Variants in TRIM56 observed in about 807,000 individuals in gnomAD.
The protein encoded by TRIM56 is tripartite motif containing 56.
In TRIM56, 10 loss-of-function variants were observed where a neutral mutation model predicts 17.1. That is an observed-to-expected ratio of 0.58 (90% confidence interval 0.36 to 0.99). The LOEUF is 0.99. Among genes scored for constraint, TRIM56 ranks in the 50% least tolerant of loss-of-function variants. The probability of loss-of-function intolerance (pLI) is 0.01; values close to 1 mark genes in which losing one functional copy is unlikely to be tolerated. For synonymous variants in TRIM56, 503 were observed against 473.5 expected (o/e 1.06, Z -0.81); for missense variants, 923 against 1,052.3 (o/e 0.88, Z 1.70).
In TRIM56 at chr7:101,096,473, A is replaced by G. The variant is rs1795655302; in HGVS notation, c.*6893A>G. The G allele has an allele frequency of 6.6e-6, 1 of 152,220 alleles. No individual in the cohort carries two copies. Among genetic ancestry groups the G allele is most frequent in the Non-Finnish European group, 1.5e-5 (1 of 68,046 alleles). The allele number at this position is 152,220 out of a possible 1,614,324, so 9.4% of individuals were successfully genotyped here. The stretch of plus-strand genomic sequence containing the variant: ...CTGGGTTGAGTGTTGGCTCTGCACT[A>G]AACAGCTGTGTGATCTTGGTCTAGT... On this transcript the variant is annotated 3_prime_UTR_variant, in exon 3 of 3. Transcript: ENST00000306085.
At position 101,088,368 on chromosome 7, in the gene TRIM56, G is replaced by A. The variant is rs1410202789; in HGVS notation, c.1056G>A (p.Leu352=). 3 of 1,561,810 alleles carry A rather than the reference G, an allele frequency of 1.9e-6. No individual in the cohort carries two copies. In the Admixed American group the frequency reaches 5.8e-5, roughly 30 times the overall value. ...CGGCCCCCTGCCTGCTCCCACAGCT[G>A]GAGCTCCATCCTGGGCTCCTGGACA... ...PGPAPCLLPQ[L]ELHPGLLDKN... The change falls in exon 3 of 3, where the codon CTG becomes CTA. Residue 352 remains leucine (L), a synonymous_variant. Coordinates refer to ENST00000306085, the MANE Select transcript of TRIM56 (RefSeq NM_030961.3).
chr7:101,090,701 TAAATAAA>T lies in TRIM56; in HGVS notation c.*1122_*1128del, dbSNP rs1795548855. 2 of 96,180 alleles carry T rather than the reference TAAATAAA, an allele frequency of 2.1e-5. No homozygotes were observed. Among genetic ancestry groups the T allele is most frequent in the Non-Finnish European group, 4.0e-5 (2 of 50,212 alleles). The allele number at this position is 96,180 out of a possible 1,614,324, so 6.0% of individuals were successfully genotyped here. ...TCAAGTGTTAAAATAAATAAATAAA[TAAATAAA>T]TAAATAAATAAATAAATACCAAGTT... On this transcript the variant is annotated 3_prime_UTR_variant, in exon 3 of 3. Transcript: ENST00000306085.
rs753021946 is a variant in TRIM56, at chr7:101,088,983, C to A, written c.1671C>A (p.Ala557=). Residue 557 remains alanine (A), a synonymous_variant, in exon 3 of 3, where the codon GCC becomes GCA. Transcript: ENST00000306085. The part of the protein sequence containing the change: ...PEGCSPCSVA[A]LQSAVAFSAS... ...GCTGCTCCCCTTGCAGCGTGGCCGC[C>A]CTGCAGAGCGCGGTGGCCTTCTCCG... The A allele has an allele frequency of 6.2e-7, 1 of 1,611,162 alleles. No homozygotes were observed. The highest frequency in any genetic ancestry group is 8.5e-7 in the Non-Finnish European group (1 of 1,179,960).
rs758499105 is a variant in TRIM56, at chr7:101,088,995, G to A, written c.1683G>A (p.Ala561=). 1.3e-5 allele frequency: 21 copies of A among 1,609,600 alleles called. No individual in the cohort carries two copies. The highest frequency in any genetic ancestry group is 8.9e-5 in the East Asian group (4 of 44,886). Residue 561 remains alanine (A), a synonymous_variant, in exon 3 of 3, where the codon GCG becomes GCA. Transcript: ENST00000306085. ...SPCSVAALQS[A]VAFSASARLY... The stretch of plus-strand genomic sequence containing the variant: ...GCAGCGTGGCCGCCCTGCAGAGCGC[G>A]GTGGCCTTCTCCGCTAGCGCACGGC...
In TRIM56 at chr7:101,093,548, G is replaced by T. The variant is rs1795613563; in HGVS notation, c.*3968G>T. 1 of 151,080 alleles carries T rather than the reference G, an allele frequency of 6.6e-6. No homozygotes were observed. Among genetic ancestry groups the T allele is most frequent in the African/African-American group, 2.4e-5 (1 of 41,294 alleles). 9.4% of individuals were successfully genotyped at this position (151,080 alleles called of 1,614,324 possible). On this transcript the variant is annotated 3_prime_UTR_variant, in exon 3 of 3. Transcript: ENST00000306085. Reference sequence around the variant, plus strand: ...AATAATTAAAAAAAAAAAAAAGAAAGGCTGGACGCGGTGGCTCACACCTGT... The same window carrying T: ...AATAATTAAAAAAAAAAAAAAGAAATGCTGGACGCGGTGGCTCACACCTGT...
chr7:101,091,721 C>T lies in TRIM56; in HGVS notation c.*2141C>T, dbSNP rs1429040488. The T allele has an allele frequency of 2.2e-6, 1 of 448,376 alleles. No homozygotes were observed. Among genetic ancestry groups the T allele is most frequent in the Non-Finnish European group, 4.4e-6 (1 of 225,682 alleles). 27.8% of individuals were successfully genotyped at this position (448,376 alleles called of 1,614,324 possible). A position where few individuals can be genotyped will look rare whatever the true frequency, so the allele number is the denominator to read the frequency against. ...CAGCCTGGGTAACAAGAATGAAACTCCATCTCAAAAAAAAAGAAAAAGAAA... is the reference window on the plus strand; with the variant it reads ...CAGCCTGGGTAACAAGAATGAAACTTCATCTCAAAAAAAAAGAAAAAGAAA... On this transcript the variant is annotated 3_prime_UTR_variant, in exon 3 of 3. Coordinates refer to ENST00000306085, the MANE Select transcript of TRIM56 (RefSeq NM_030961.3).
Position 101,089,390 on chromosome 7 carries a change from T to A in TRIM56, c.2078T>A (p.Phe693Tyr). ...TCTGTGGATAAGAAGGGCTACATCT[T>A]TCTGACCCTTCGAGAAGTCAACAAG... The part of the protein sequence containing the change: ...SVSVDKKGYI[F>Y]LTLREVNKVV... Residue 693 changes from phenylalanine (F) to tyrosine (Y), a missense_variant, in exon 3 of 3, where the codon TTT becomes TAT. By Grantham distance (22) the Phe-to-Tyr change is conservative. Coordinates refer to ENST00000306085, the MANE Select transcript of TRIM56 (RefSeq NM_030961.3). 6.2e-7 allele frequency: 1 copy of A among 1,614,004 alleles called. No individual in the cohort carries two copies. Among genetic ancestry groups the A allele is most frequent in the Non-Finnish European group, 8.5e-7 (1 of 1,179,878 alleles).
rs1025714084 is a variant in TRIM56, at chr7:101,093,989, A to G, written c.*4409A>G. On this transcript the variant is annotated 3_prime_UTR_variant, in exon 3 of 3. Coordinates refer to ENST00000306085, the MANE Select transcript of TRIM56 (RefSeq NM_030961.3). The stretch of plus-strand genomic sequence containing the variant: ...CTTTGCAAGAATGACAAAAATGATT[A>G]TAAGAATCAGTTGTCTCACTTTGGG... 1.3e-5 allele frequency: 2 copies of G among 152,220 alleles called. No individual in the cohort carries two copies. The highest frequency in any genetic ancestry group is 1.3e-4 in the Admixed American group (2 of 15,286). 9.4% of individuals were successfully genotyped at this position (152,220 alleles called of 1,614,324 possible).
Position 101,088,831 on chromosome 7 carries a change from TC to T in TRIM56, c.1525del (p.Arg509GlyfsTer23). On this transcript the variant is annotated frameshift_variant, in exon 3 of 3. Transcript: ENST00000306085. LOFTEE classifies it high-confidence loss of function. The part of the protein sequence containing the change: ...FPTRMPGDKR[S>X]PRITGLCPFG... ...CACGCGGATGCCTGGAGACAAGCGG[TC>T]CCCCCGGATCACCGGGCTCTGTCCC... 1 of 1,613,556 alleles carries T rather than the reference TC, an allele frequency of 6.2e-7. No individual in the cohort carries two copies. The highest frequency in any genetic ancestry group is 1.1e-5 in the South Asian group (1 of 91,062).
Position 101,089,207 on chromosome 7 carries a change from G to A in TRIM56, c.1895G>A (p.Arg632Gln), listed in dbSNP as rs558086807. The A allele has an allele frequency of 1.5e-5, 25 of 1,613,642 alleles. No individual in the cohort carries two copies. The highest frequency in any genetic ancestry group is 1.9e-5 in the Non-Finnish European group (22 of 1,179,774). The change falls in exon 3 of 3, where the codon CGG becomes CAG. Residue 632 changes from arginine to glutamine, a missense_variant. By Grantham distance (43) the Arg-to-Gln change is conservative. Around this residue, in one of 3 missense-constraint regions of TRIM56, gnomAD observed 182 missense variants for 243.1 expected, o/e 0.75. Coordinates refer to ENST00000306085, the MANE Select transcript of TRIM56 (RefSeq NM_030961.3). The stretch of plus-strand genomic sequence containing the variant: ...TTCATTCCTGGAGGCAAGGCCAGCC[G>A]GGGCCTGCGGGCGCTGGTGTTTCTG... ...TRFIPGGKASRGLRALVFLTT... is the reference protein window; with the variant it reads ...TRFIPGGKASQGLRALVFLTT...
chr7:101,087,553 G>C lies in TRIM56; in HGVS notation c.241G>C (p.Gly81Arg). 2 of 1,613,142 alleles carry C rather than the reference G, an allele frequency of 1.2e-6. No homozygotes were observed. Among genetic ancestry groups the C allele is most frequent in the Non-Finnish European group, 1.7e-6 (2 of 1,179,582 alleles). ...CTTCAAGACCAACTTCTTCGTCAAT[G>C]GGCTGCTGGACCTGGTGAAGGCCCG... ...ASFKTNFFVN[G>R]LLDLVKARAC... Residue 81 changes from glycine (G) to arginine (R), a missense_variant, in exon 3 of 3, where the codon GGG becomes CGG. Physicochemically the swap from Gly to Arg is moderately radical, Grantham distance 125. Around this residue, in one of 3 missense-constraint regions of TRIM56, gnomAD observed 98 missense variants for 143.6 expected, o/e 0.68. Transcript: ENST00000306085.
Position 101,091,026 on chromosome 7 carries a change from C to T in TRIM56, c.*1446C>T, listed in dbSNP as rs1795555324. Reference sequence around the variant, plus strand: ...TGGAACTTGGAGGTGCCAAGAAAACCTAGAAGGTGCAATGGGGCTGCGACG... The same window carrying T: ...TGGAACTTGGAGGTGCCAAGAAAACTTAGAAGGTGCAATGGGGCTGCGACG... On this transcript the variant is annotated 3_prime_UTR_variant, in exon 3 of 3. Transcript: ENST00000306085. 6.6e-6 allele frequency: 1 copy of T among 152,216 alleles called. No homozygotes were observed. The highest frequency in any genetic ancestry group is 1.5e-5 in the Non-Finnish European group (1 of 68,056). The allele number at this position is 152,216 out of a possible 1,614,324, so 9.4% of individuals were successfully genotyped here.
In TRIM56 at chr7:101,089,555, T is replaced by C; in HGVS notation, c.2243T>C (p.Phe748Ser). ...VSLSNGTIHIFRVRSPDS is the reference protein window; with the variant it reads ...VSLSNGTIHISRVRSPDS ...CTCAGTAACGGGACCATCCACATCTTTCGGGTCCGTTCTCCGGACAGTTAA... is the reference window on the plus strand; with the variant it reads ...CTCAGTAACGGGACCATCCACATCTCTCGGGTCCGTTCTCCGGACAGTTAA... The change falls in exon 3 of 3, where the codon TTT becomes TCT. Residue 748 changes from phenylalanine (F) to serine (S), a missense_variant. Transcript: ENST00000306085. The C allele has an allele frequency of 6.2e-7, 1 of 1,613,988 alleles. No homozygotes were observed.
At position 101,097,650 on chromosome 7, in the gene TRIM56, G is replaced by A. The variant is rs2116549557; in HGVS notation, c.*8070G>A. On this transcript the variant is annotated 3_prime_UTR_variant, in exon 3 of 3. Transcript: ENST00000306085. ...GAGGGCCTGTGTATAAAGACATTAG[G>A]AAGGAGGTTTGGGAGGGCAGCCTGA... 1.7e-5 allele frequency: 1 copy of A among 59,464 alleles called. No homozygotes were observed. Among genetic ancestry groups the A allele is most frequent in the Middle Eastern group, 7.0e-3 (1 of 142 alleles). 3.7% of individuals were successfully genotyped at this position (59,464 alleles called of 1,614,324 possible).
At chr7:101,086,298 C>A (rs188819546) in intron 1 of TRIM56, among the ~76,000 whole-genome samples, 273 of 150,744 alleles carry the variant, frequency 1.8e-3, no homozygotes, top group African/African-American at 6.2e-3. Flanking sequence ...TGGTGGCTCA[C>A]GCCTATAATC....
At position 101,088,218 on chromosome 7, in the gene TRIM56, C is replaced by G. The variant is rs61729467; in HGVS notation, c.906C>G (p.Ala302=). ...LAELEGREQV[A]RAAAAFARRV... ...AGCTTGAGGGCCGGGAGCAGGTGGCCAGGGCCGCAGCCGCCTTCGCCCGCC... is the reference window on the plus strand; with the variant it reads ...AGCTTGAGGGCCGGGAGCAGGTGGCGAGGGCCGCAGCCGCCTTCGCCCGCC... The change falls in exon 3 of 3, where the codon GCC becomes GCG. Residue 302 remains alanine, a synonymous_variant. Transcript: ENST00000306085. The G allele has an allele frequency of 4.8e-6, 7 of 1,464,212 alleles. No homozygotes were observed. Among genetic ancestry groups the G allele is most frequent in the Non-Finnish European group, 6.3e-6 (7 of 1,113,512 alleles). 90.7% of individuals were successfully genotyped at this position (1,464,212 alleles called of 1,614,324 possible).
rs1005082146 is a variant in TRIM56, at chr7:101,096,731, G to A, written c.*7151G>A. 1 of 152,228 alleles carries A rather than the reference G, an allele frequency of 6.6e-6. No individual in the cohort carries two copies. The highest frequency in any genetic ancestry group is 1.5e-5 in the Non-Finnish European group (1 of 68,044). 9.4% of individuals were successfully genotyped at this position (152,228 alleles called of 1,614,324 possible). A position where few individuals can be genotyped will look rare whatever the true frequency, so the allele number is the denominator to read the frequency against. ...TATGAGGATGTTAGGTACATGTGTT[G>A]TGAGTGAAAGCTCTGGAACACCCGA... On this transcript the variant is annotated 3_prime_UTR_variant, in exon 3 of 3. Coordinates refer to ENST00000306085, the MANE Select transcript of TRIM56 (RefSeq NM_030961.3).
In TRIM56 at chr7:101,091,298, G is replaced by A. The variant is rs1471102889; in HGVS notation, c.*1718G>A. 1 of 160,644 alleles carries A rather than the reference G, an allele frequency of 6.2e-6. No individual in the cohort carries two copies. The highest frequency in any genetic ancestry group is 1.4e-5 in the Non-Finnish European group (1 of 73,104). The allele number at this position is 160,644 out of a possible 1,614,324, so 10.0% of individuals were successfully genotyped here. A position where few individuals can be genotyped will look rare whatever the true frequency, so the allele number is the denominator to read the frequency against. On this transcript the variant is annotated 3_prime_UTR_variant, in exon 3 of 3. Coordinates refer to ENST00000306085, the MANE Select transcript of TRIM56 (RefSeq NM_030961.3). ...GGAATGTGCAGGGCATAGGTAGAGGGAAAAGAAAATCCCTTTCTGGGAAAA... is the reference window on the plus strand; with the variant it reads ...GGAATGTGCAGGGCATAGGTAGAGGAAAAAGAAAATCCCTTTCTGGGAAAA...
Position 101,088,893 on chromosome 7 carries a change from G to C in TRIM56, c.1581G>C (p.Gln527His). Reference sequence around the variant, plus strand: ...GGGAGATCCTGGTGGCGGATGAGCAGAACCGGGCACTGAAACGCTTCTCCC... The same window carrying C: ...GGGAGATCCTGGTGGCGGATGAGCACAACCGGGCACTGAAACGCTTCTCCC... ...GPREILVADEQNRALKRFSLN... is the reference protein window; with the variant it reads ...GPREILVADEHNRALKRFSLN... The change falls in exon 3 of 3, where the codon CAG becomes CAC. Residue 527 changes from glutamine to histidine, a missense_variant. Gln to His is a conservative substitution (Grantham distance 24). Around this residue, in one of 3 missense-constraint regions of TRIM56, gnomAD observed 643 missense variants for 665.6 expected, o/e 0.97. Coordinates refer to ENST00000306085, the MANE Select transcript of TRIM56 (RefSeq NM_030961.3). 6.2e-7 allele frequency: 1 copy of C among 1,613,892 alleles called. No individual in the cohort carries two copies. The highest frequency in any genetic ancestry group is 8.5e-7 in the Non-Finnish European group (1 of 1,180,034).
Sources: gnomAD v4.1 joint callset for allele counts (sites outside exome capture counted in the v4.1 genomes callset) on GRCh38, gnomAD v4.1.1 for gene constraint, gnomAD v4.1.1 regional missense constraint, MANE v1.5 for transcripts, NCBI Gene and HGNC (gene_info 2026-07-23, HGNC 2026-07-21) for gene names.